MEIS2: variants seen among roughly 807,000 people sequenced by gnomAD.
The protein encoded by MEIS2 is Meis homeobox 2.
In MEIS2, 9 loss-of-function variants were observed where a neutral mutation model predicts 58.6. The observed-to-expected ratio is 0.15, with a 90% CI of 0.09 to 0.27. The LOEUF (loss-of-function observed/expected upper bound fraction) is 0.27, where lower values mean the gene tolerates loss of function less well. Among genes scored for constraint, MEIS2 ranks in the 10% least tolerant of loss-of-function variants. The pLI is 1.00. For synonymous variants in MEIS2, 221 were observed against 228.4 expected, an observed-to-expected ratio of 0.97 and a Z score of 0.29; for missense variants, 427 against 635.0, an observed-to-expected ratio of 0.67 and a Z score of 3.52.
At chr15:37,046,786 C>T (rs2062690891) in intron 7 of MEIS2, among the ~76,000 whole-genome samples, 1 of 151,756 alleles carries the variant, frequency 6.6e-6, no homozygotes, top group Admixed American at 6.6e-5. Context: ...ATGAAAGCTT[C>T]CAACACTTTT....
At chr15:37,025,216 GACAC>G (rs1419608753) in intron 8 of MEIS2, among the ~76,000 whole-genome samples, 11 of 152,194 alleles carry the variant, frequency 7.2e-5, no homozygotes, top group Non-Finnish European at 1.3e-4. Context: ...AACATTAATA[GACAC>G]CAGTTTACAC....
intron 9 of MEIS2, among the ~76,000 whole-genome samples, chr15:36,937,040 A>G (rs529749608): frequency 1.3e-5 from 2 of 152,368 alleles, no homozygotes; most frequent in Admixed American, 6.5e-5. Context: ...CAAGCAACCC[A>G]TGAAAGAGGC....
At chr15:36,948,556 C>G (rs1367498381) in intron 9 of MEIS2, among the ~76,000 whole-genome samples, 1 of 151,944 alleles carries the variant, frequency 6.6e-6, no homozygotes, top group Admixed American at 6.6e-5. Flanking sequence ...CCATCACAAG[C>G]TCCCTCAATT....
intron 8 of MEIS2, among the ~76,000 whole-genome samples, chr15:37,032,971 G>GTTA (rs2061988867): frequency 6.6e-6 from 1 of 152,130 alleles, no homozygotes; most frequent in Admixed American, 6.5e-5. Flanking sequence ...GTGCAAGTTT[G>GTTA]TTACCTTTCC....
chr15:37,066,347 CA>C (rs1889922775), intron 7 of MEIS2: 1 of 152,164 alleles, frequency 6.6e-6, no homozygotes, highest in Non-Finnish European at 1.5e-5. Context: ...TCAGGACAGT[CA>C]CTTGCCTTAA....
At chr15:37,027,835 G>A (rs2061758708) in intron 8 of MEIS2, among the ~76,000 whole-genome samples, 1 of 151,766 alleles carries the variant, frequency 6.6e-6, no homozygotes, top group Admixed American at 6.6e-5. Flanking sequence ...AAGGTACAGA[G>A]ATTTCCCATA....
rs2141225026 is a variant in MEIS2 at position 36,896,620 on chromosome 15, G to A, written c.1036+8C>T. ...GGGACATAAATATAGATACTACTTG[G>A]AACTTGCCTGCTCGATTTGACTGGT... On this transcript the variant is annotated splice_region_variant and intron_variant, in intron 10 of 11. Transcript: ENST00000561208. 6.2e-7 allele frequency: 1 copy of A among 1,609,630 alleles called. No individual in the cohort carries two copies. The highest frequency in any genetic ancestry group is 1.1e-5 in the South Asian group (1 of 90,256).
rs141320753 is a variant in MEIS2 at position 36,939,142 on chromosome 15, A to C, written c.977+11182T>G. Among the ~76,000 whole-genome samples, 624 of 152,218 alleles carry C rather than the reference A, an allele frequency of 4.1e-3. 3 individuals carry two copies. Among genetic ancestry groups the C allele is most frequent in the Non-Finnish European group, 6.0e-3 (409 of 68,020 alleles). ...CTGATTCAAAACTAACTTCCAATCT[A>C]ATCTCCTCCAAGAAAATGCATGCTA... On this transcript the variant is annotated intron_variant, in intron 9 of 11. Coordinates refer to ENST00000561208, the MANE Select transcript of MEIS2 (RefSeq NM_170675.5).
At chr15:37,003,062 G>C (rs2060792095) in intron 8 of MEIS2, among the ~76,000 whole-genome samples, 1 of 152,046 alleles carries the variant, frequency 6.6e-6, no homozygotes, top group African/African-American at 2.4e-5. Flanking sequence ...ACAGCTGCAG[G>C]ACAGCCTTGA....
chr15:36,934,884 A>G (rs567568753), intron 9 of MEIS2, among the ~76,000 whole-genome samples: 6 of 152,226 alleles, frequency 3.9e-5, no homozygotes, highest in Non-Finnish European at 8.8e-5. Context: ...TTGGATTAGA[A>G]TACATTGTAA....
At chr15:36,892,536 A>T in intron 11 of MEIS2, 77 bp from the exon 12 acceptor site, 213 of 638,270 alleles carry the variant, frequency 3.3e-4, no homozygotes, top group East Asian at 6.9e-4. Flanking sequence ...AGATGAAAAG[A>T]AAAAAAAAAA....
At chr15:37,069,527 C>A (rs930439337) in intron 7 of MEIS2, among the ~76,000 whole-genome samples, 2 of 152,170 alleles carry the variant, frequency 1.3e-5, no homozygotes, top group Non-Finnish European at 2.9e-5. Context: ...GTATACCCAG[C>A]CTAATTCTCC....
intron 11 of MEIS2, among the ~76,000 whole-genome samples, chr15:36,893,850 G>T (rs568711227): frequency 1.3e-5 from 2 of 152,302 alleles, no homozygotes; most frequent in Admixed American, 6.5e-5. Context: ...TACATATAGA[G>T]AATGATTTAA....
At chr15:36,895,310 C>T in intron 10 of MEIS2, 49 bp from the exon 11 acceptor site, 1 of 1,518,038 alleles carries the variant, frequency 6.6e-7, no homozygotes, top group African/African-American at 1.4e-5. Context: ...AAAAGATATA[C>T]CAAACAATCA....
At chr15:36,917,659 C>T (rs755860990) in intron 9 of MEIS2, among the ~76,000 whole-genome samples, 1 of 152,158 alleles carries the variant, frequency 6.6e-6, no homozygotes, top group African/African-American at 2.4e-5. Flanking sequence ...TTTTTATCTC[C>T]AATCATACTC....
intron 8 of MEIS2, among the ~76,000 whole-genome samples, chr15:37,000,116 G>A (rs547929377): frequency 2.6e-5 from 4 of 152,196 alleles, no homozygotes; most frequent in African/African-American, 9.6e-5. Context: ...GATAGCTAAG[G>A]CAATCACCTC....
At chr15:36,910,199 T>G (rs1435495947) in intron 9 of MEIS2, among the ~76,000 whole-genome samples, 1 of 152,134 alleles carries the variant, frequency 6.6e-6, no homozygotes, top group African/African-American at 2.4e-5. Flanking sequence ...GAGCCAGAAC[T>G]TGTCTCAACC....
Position 37,097,966 on chromosome 15 carries a change from C to T in MEIS2, c.245+1G>A. ...AAGCTGGGTCCGGGGGGTCAGTTTACCCATAGATCGCGTCCTTGTCCCGCT... is the reference window on the plus strand; with the variant it reads ...AAGCTGGGTCCGGGGGGTCAGTTTATCCATAGATCGCGTCCTTGTCCCGCT... On this transcript the variant is annotated splice_donor_variant, in intron 2 of 11. Transcript: ENST00000561208. LOFTEE classifies it high-confidence loss of function. 6.3e-7 allele frequency: 1 copy of T among 1,591,926 alleles called. No homozygotes were observed. The highest frequency in any genetic ancestry group is 8.6e-7 in the Non-Finnish European group (1 of 1,166,530).
At chr15:37,024,186 C>G (rs543910765) in intron 8 of MEIS2, among the ~76,000 whole-genome samples, 23 of 152,118 alleles carry the variant, frequency 1.5e-4, no homozygotes, top group Non-Finnish European at 3.2e-4. Context: ...GTGTGAGCCA[C>G]TGCGCCTGTC....
Sources: allele counts gnomAD v4.1 joint callset (sites outside exome capture counted in the v4.1 genomes callset), GRCh38; gene constraint gnomAD v4.1.1; transcripts MANE v1.5; gene names NCBI Gene and HGNC (gene_info 2026-07-23, HGNC 2026-07-21).